The following MEIKIN variants were observed in gnomAD, a reference collection of about 807,000 sequenced individuals.
MEIKIN encodes meiotic kinetochore factor.
At chr5:131,945,303 G>A (rs1751943811) in intron 1 of MEIKIN, 54 bp from the exon 2 acceptor site, 3 of 398,954 alleles carry the variant, frequency 7.5e-6, no homozygotes, top group Non-Finnish European at 8.8e-6. Context: ...GGCTTCGGGG[G>A]GGTCCTGGGC....
At chr5:131,851,217 C>T in intron 11 of MEIKIN, 47 bp downstream of exon 11, 1 of 396,266 alleles carries the variant, frequency 2.5e-6, no homozygotes, top group Non-Finnish European at 4.5e-6. Context: ...TCTAATGTAA[C>T]AGTAATTATT....
intron 8 of MEIKIN, among the ~76,000 whole-genome samples, chr5:131,894,432 G>A (rs546928781): frequency 6.6e-6 from 1 of 152,178 alleles, no homozygotes; most frequent in African/African-American, 2.4e-5. Flanking sequence ...CCAATTCTGT[G>A]AAGAAAGTCA....
At chr5:131,812,921 A>G (rs1346532909) in intron 12 of MEIKIN, among the ~76,000 whole-genome samples, 1 of 152,250 alleles carries the variant, frequency 6.6e-6, no homozygotes, top group African/African-American at 2.4e-5. Flanking sequence ...GCCAAATTTT[A>G]GTAGCAACTA....
intron 11 of MEIKIN, among the ~76,000 whole-genome samples, chr5:131,844,685 T>G (rs1168242180): frequency 6.6e-6 from 1 of 152,208 alleles, no homozygotes; most frequent in African/African-American, 2.4e-5. Flanking sequence ...CTGAAAAGAT[T>G]AGCAGAAATA....
intron 12 of MEIKIN, among the ~76,000 whole-genome samples, chr5:131,815,459 AT>A (rs979814479): frequency 2.6e-5 from 4 of 152,190 alleles, no homozygotes; most frequent in African/African-American, 9.7e-5. Context: ...CACTAGCAAA[AT>A]TTATTCTTCC....
At chr5:131,865,724 G>A (rs999575651) in intron 9 of MEIKIN, among the ~76,000 whole-genome samples, 4 of 152,224 alleles carry the variant, frequency 2.6e-5, no homozygotes, top group Non-Finnish European at 5.9e-5. Context: ...ATATGTGTTG[G>A]TAGGCTAGAG....
chr5:131,833,644 C>T (rs1463170293), intron 11 of MEIKIN, among the ~76,000 whole-genome samples: 1 of 152,096 alleles, frequency 6.6e-6, no homozygotes, highest in Non-Finnish European at 1.5e-5. Context: ...ATGTGGAAAC[C>T]CCTGATAAAC....
intron 8 of MEIKIN, among the ~76,000 whole-genome samples, chr5:131,894,866 C>T (rs1369716431): frequency 6.6e-6 from 1 of 152,186 alleles, no homozygotes. Flanking sequence ...TTTACTTCCT[C>T]TTTTCCGAAC....
At chr5:131,830,903 GT>G (rs1316525412) in intron 11 of MEIKIN, among the ~76,000 whole-genome samples, 103 of 144,100 alleles carry the variant, frequency 7.1e-4, no homozygotes, top group East Asian at 1.8e-3. Flanking sequence ...GAGGACTTTG[GT>G]TTTTTTTTTT....
intron 8 of MEIKIN, among the ~76,000 whole-genome samples, chr5:131,885,986 A>T (rs891386913): frequency 1.3e-5 from 2 of 152,232 alleles, no homozygotes; most frequent in African/African-American, 4.8e-5. Context: ...AAAAGAAATA[A>T]GAAATTCTGG....
At chr5:131,811,305 T>G (rs1772947805) in intron 12 of MEIKIN, among the ~76,000 whole-genome samples, 1 of 152,070 alleles carries the variant, frequency 6.6e-6, no homozygotes, top group Non-Finnish European at 1.5e-5. Context: ...AAAGATCAAA[T>G]TAAGAGTGTT....
chr5:131,832,079 TA>T lies in MEIKIN; in HGVS notation c.976-13217del, dbSNP rs1393557411. Among the ~76,000 whole-genome samples the T allele has an allele frequency of 3.3e-5, 5 of 152,212 alleles. No individual in the cohort carries two copies. The East Asian group carries it at 9.7e-4, about 29-fold the overall frequency. On this transcript the variant is annotated intron_variant, in intron 11 of 12. Transcript: ENST00000442687. ...CCTTCCCAACAGTCCCCCGAAGTCTTAACTCATTTCAGCCAAAAGTCCACAG... is the reference window on the plus strand; with the variant it reads ...CCTTCCCAACAGTCCCCCGAAGTCTTACTCATTTCAGCCAAAAGTCCACAG...
intron 9 of MEIKIN, among the ~76,000 whole-genome samples, chr5:131,870,994 C>G (rs889150699): frequency 6.6e-6 from 1 of 152,124 alleles, no homozygotes; most frequent in Admixed American, 6.5e-5. Flanking sequence ...GTTTTCTCAG[C>G]TATAAAATAG....
intron 4 of MEIKIN, among the ~76,000 whole-genome samples, chr5:131,934,045 C>T (rs1328072382): frequency 6.6e-6 from 1 of 151,988 alleles, no homozygotes; most frequent in Non-Finnish European, 1.5e-5. Context: ...TCCCGGGTCC[C>T]AGTTCAAGCA....
intron 8 of MEIKIN, among the ~76,000 whole-genome samples, chr5:131,885,288 C>G (rs1215081781): frequency 6.8e-6 from 1 of 148,004 alleles, no homozygotes; most frequent in Non-Finnish European, 1.5e-5. Context: ...GAATTGGAGG[C>G]CACAGAGGTG....
At chr5:131,809,229 A>G (rs1277105861) in intron 12 of MEIKIN, among the ~76,000 whole-genome samples, 1 of 152,212 alleles carries the variant, frequency 6.6e-6, no homozygotes, top group Non-Finnish European at 1.5e-5. Context: ...TGTTTGCTGA[A>G]TGAGTGAACC....
At chr5:131,889,921 AG>A (rs1167225110) in intron 8 of MEIKIN, among the ~76,000 whole-genome samples, 15 of 152,176 alleles carry the variant, frequency 9.9e-5, no homozygotes, top group African/African-American at 1.4e-4. Context: ...TTTAGCAAGA[AG>A]GGTTGTTGAA....
intron 8 of MEIKIN, among the ~76,000 whole-genome samples, chr5:131,899,371 C>T (rs1014525213): frequency 1.1e-4 from 16 of 151,338 alleles, no homozygotes; most frequent in African/African-American, 3.9e-4. Flanking sequence ...TAAACTATAC[C>T]ACTAGAGTAA....
chr5:131,841,311 G>A (rs746040948), intron 11 of MEIKIN, among the ~76,000 whole-genome samples: 2 of 152,150 alleles, frequency 1.3e-5, no homozygotes, highest in Non-Finnish European at 2.9e-5. Context: ...ATAGGTTGGT[G>A]GCAATGGGAT....
Sources: gnomAD v4.1 joint callset for allele counts (sites outside exome capture counted in the v4.1 genomes callset) on GRCh38, gnomAD v4.1.1 for gene constraint, MANE v1.5 for transcripts, NCBI Gene and HGNC (gene_info 2026-07-23, HGNC 2026-07-21) for gene names.